The following FNDC3B variants were observed in gnomAD, a reference collection of about 807,000 sequenced individuals.
FNDC3B encodes fibronectin type III domain-containing protein 3B.
FNDC3B carries 12 observed loss-of-function variants against 151.5 expected under a neutral mutation model. That is an observed-to-expected ratio of 0.08 (90% CI 0.05 to 0.13). The LOEUF (loss-of-function observed/expected upper bound fraction) is 0.13. Ranked by LOEUF, FNDC3B falls within the 10% of genes least tolerant of loss-of-function variation. The pLI is 1.00. For synonymous variants in FNDC3B, 528 were observed against 549.0 expected, an observed-to-expected ratio of 0.96 and a Z score of 0.54; for missense variants, 1,214 against 1,505.3, an observed-to-expected ratio of 0.81 and a Z score of 3.20.
At chr3:172,324,097 A>G (rs1050551989) in intron 11 of FNDC3B, among the ~76,000 whole-genome samples, 2 of 152,166 alleles carry the variant, frequency 1.3e-5, no homozygotes, top group African/African-American at 4.8e-5. Context: ...CGCAAGGCAC[A>G]CTGGACGGAA....
At chr3:172,087,880 C>T (rs1718629410) in intron 1 of FNDC3B, among the ~76,000 whole-genome samples, 1 of 152,120 alleles carries the variant, frequency 6.6e-6, no homozygotes, top group Admixed American at 6.5e-5. Flanking sequence ...TCTAGATCTC[C>T]AAATAATTGG....
At chr3:172,054,460 A>G (rs1205165833) in intron 1 of FNDC3B, among the ~76,000 whole-genome samples, 1 of 152,254 alleles carries the variant, frequency 6.6e-6, no homozygotes, top group Admixed American at 6.5e-5. Flanking sequence ...GGCTCTGAAG[A>G]GCGGCCTGAC....
At chr3:172,175,223 T>C (rs1391315352) in intron 3 of FNDC3B, among the ~76,000 whole-genome samples, 1 of 152,080 alleles carries the variant, frequency 6.6e-6, no homozygotes, top group Non-Finnish European at 1.5e-5. Context: ...AGAGAGCTAA[T>C]GTCTGCTGCT....
chr3:172,146,102 C>A (rs1721896838), intron 3 of FNDC3B, among the ~76,000 whole-genome samples: 1 of 151,950 alleles, frequency 6.6e-6, no homozygotes, highest in African/African-American at 2.4e-5. Flanking sequence ...CGTGAGCCAC[C>A]GTGCCTGGCG....
At chr3:172,378,229 T>C in intron 23 of FNDC3B, 41 bp from the exon 24 acceptor site, 1 of 1,519,524 alleles carries the variant, frequency 6.6e-7, no homozygotes, top group African/African-American at 1.4e-5. Context: ...TTGTCATTAG[T>C]AGACGTTCAG....
chr3:172,281,257 A>ATTTATTTATTTATTTG (rs754348996), intron 6 of FNDC3B, among the ~76,000 whole-genome samples: 1 of 132,680 alleles, frequency 7.5e-6, no homozygotes, highest in Non-Finnish European at 1.6e-5. Context: ...TTATTTATTT[A>ATTTATTTATTTATTTG]TATTTTGAGA....
intron 1 of FNDC3B, among the ~76,000 whole-genome samples, chr3:172,041,505 TAAA>T (rs1716073593): frequency 8.3e-6 from 1 of 120,924 alleles, no homozygotes; most frequent in Non-Finnish European, 1.7e-5. Context: ...TTTTTTTTTT[TAAA>T]TAAATGTGGC....
chr3:172,386,748 G>GA (rs1396624161), intron 25 of FNDC3B, among the ~76,000 whole-genome samples: 33 of 51,648 alleles, frequency 6.4e-4, no homozygotes, highest in South Asian at 1.9e-3. Context: ...CTCAAAAAAA[G>GA]AAAAAAAAAA....
chr3:172,128,156 T>A (rs1406856458), intron 2 of FNDC3B, among the ~76,000 whole-genome samples: 1 of 152,116 alleles, frequency 6.6e-6, no homozygotes, highest in Non-Finnish European at 1.5e-5. Flanking sequence ...GAGTTCCCAG[T>A]GTTTGCTTAG....
chr3:172,266,517 C>T (rs1202681826), intron 6 of FNDC3B, among the ~76,000 whole-genome samples: 6 of 152,186 alleles, frequency 3.9e-5, no homozygotes, highest in African/African-American at 1.4e-4. Flanking sequence ...TATCACAGTT[C>T]TGGAGAGAAT....
intron 11 of FNDC3B, among the ~76,000 whole-genome samples, chr3:172,312,719 T>A (rs1174282181): frequency 6.6e-6 from 1 of 151,926 alleles, no homozygotes; most frequent in African/African-American, 2.4e-5. Flanking sequence ...AGACCGTGAG[T>A]TCCTAAGTTA....
At chr3:172,174,942 C>A (rs867132866) in intron 3 of FNDC3B, among the ~76,000 whole-genome samples, 36 of 66,434 alleles carry the variant, frequency 5.4e-4, no homozygotes, top group Non-Finnish European at 9.2e-4. Context: ...CACCCCCCCC[C>A]CCCCAATACA....
At chr3:172,263,375 G>T (rs1048757659) in intron 6 of FNDC3B, among the ~76,000 whole-genome samples, 2 of 151,946 alleles carry the variant, frequency 1.3e-5, no homozygotes, top group African/African-American at 4.8e-5. Context: ...CATATTTTAG[G>T]TTCACTGAGT....
intron 3 of FNDC3B, among the ~76,000 whole-genome samples, chr3:172,203,591 T>G (rs1002167417): frequency 3.9e-5 from 6 of 152,254 alleles, no homozygotes; most frequent in African/African-American, 1.4e-4. Flanking sequence ...GTTTGCCCTT[T>G]GATTTGCTTT....
chr3:172,155,632 G>A (rs532488184), intron 3 of FNDC3B, among the ~76,000 whole-genome samples: 5 of 152,268 alleles, frequency 3.3e-5, no homozygotes, highest in East Asian at 1.9e-4. Context: ...CCTATTGCTC[G>A]CCTCTAACTC....
At chr3:172,385,614 A>G (rs1735671858) in intron 25 of FNDC3B, among the ~76,000 whole-genome samples, 1 of 150,150 alleles carries the variant, frequency 6.7e-6, no homozygotes, top group African/African-American at 2.5e-5. Context: ...GCTGGAGCAC[A>G]GTGGCGTGAT....
chr3:172,090,797 G>A (rs985725309), intron 1 of FNDC3B, among the ~76,000 whole-genome samples: 5 of 152,106 alleles, frequency 3.3e-5, no homozygotes, highest in Non-Finnish European at 5.9e-5. Context: ...ACCCAACCTT[G>A]TGTGACTGGT....
Position 172,119,462 on chromosome 3 carries a change from T to C in FNDC3B, c.111+6872T>C, listed in dbSNP as rs116748315. ...TTGGATTGCAGAGTGTCACAGTGCTTAGGAGTTCAGAGGAGGAATTGAGGA... is the reference window on the plus strand; with the variant it reads ...TTGGATTGCAGAGTGTCACAGTGCTCAGGAGTTCAGAGGAGGAATTGAGGA... On this transcript the variant is annotated intron_variant, in intron 2 of 25. Transcript: ENST00000415807. 5.2e-4 allele frequency among the ~76,000 whole-genome samples: 79 copies of C among 151,400 alleles called. 1 individual carries two copies. Among genetic ancestry groups the C allele is most frequent in the African/African-American group, 1.9e-3 (78 of 41,244 alleles).
At chr3:172,378,197 A>T in intron 23 of FNDC3B, 73 bp from the exon 24 acceptor site, 4 of 1,375,266 alleles carry the variant, frequency 2.9e-6, no homozygotes, top group Non-Finnish European at 4.0e-6. Flanking sequence ...CTGCTCCATT[A>T]GTTTGCATCA....
Sources: allele counts gnomAD v4.1 joint callset (sites outside exome capture counted in the v4.1 genomes callset), GRCh38; gene constraint gnomAD v4.1.1; transcripts MANE v1.5; gene names NCBI Gene and HGNC (gene_info 2026-07-23, HGNC 2026-07-21).